The following ROBO1 variants were observed in gnomAD, a reference collection of about 807,000 sequenced individuals.
ROBO1 encodes roundabout homolog 1.
In ROBO1, 149 loss-of-function variants were observed where a neutral mutation model predicts 195.9. The ratio of observed to expected loss-of-function variants is 0.76; its 90% CI spans 0.67 to 0.87. The LOEUF (loss-of-function observed/expected upper bound fraction) is 0.87, where lower values mean the gene tolerates loss of function less well. ROBO1 is among the 40% of genes least tolerant of loss of function. The pLI, the probability that ROBO1 is intolerant of heterozygous loss-of-function variation, is 0.00. For synonymous variants in ROBO1, 816 were observed against 733.2 expected (o/e 1.11, Z -1.82); for missense variants, 1,933 against 2,068.3 (o/e 0.93, Z 1.27).
intron 3 of ROBO1, among the ~76,000 whole-genome samples, chr3:79,100,531 CA>C (rs1392961693): frequency 1.3e-5 from 2 of 151,654 alleles, no homozygotes; most frequent in Non-Finnish European, 2.9e-5. Context: ...AAAAAAACTG[CA>C]AAGAATGAAT....
At chr3:79,277,781 C>T (rs1487550301) in intron 2 of ROBO1, among the ~76,000 whole-genome samples, 1 of 136,610 alleles carries the variant, frequency 7.3e-6, no homozygotes, top group Non-Finnish European at 1.5e-5. Flanking sequence ...TAAAAAATAA[C>T]ATTAAAAATA....
intron 6 of ROBO1, 111 bp downstream of exon 6, chr3:78,717,652 C>T: frequency 8.2e-7 from 1 of 1,220,046 alleles, no homozygotes; most frequent in Non-Finnish European, 1.1e-6. Flanking sequence ...CTCTTTCTAC[C>T]CACCCCCTAA....
chr3:79,747,763 T>C (rs953456538), intron 1 of ROBO1, among the ~76,000 whole-genome samples: 2 of 151,946 alleles, frequency 1.3e-5, no homozygotes, highest in East Asian at 1.9e-4. Flanking sequence ...TGGACAAATA[T>C]GTAGTGTGTT....
chr3:79,075,545 T>C (rs927108738), intron 3 of ROBO1, among the ~76,000 whole-genome samples: 1 of 151,924 alleles, frequency 6.6e-6, no homozygotes, highest in Non-Finnish European at 1.5e-5. Context: ...GTAGATAAAC[T>C]TGCATCCTGT....
At chr3:78,931,121 G>C (rs756070090) in intron 4 of ROBO1, among the ~76,000 whole-genome samples, 22 of 150,924 alleles carry the variant, frequency 1.5e-4, no homozygotes, top group Non-Finnish European at 2.5e-4. Flanking sequence ...CAAAATGCCT[G>C]TAAGAAGTTA....
In ROBO1 at chr3:79,157,253, G is replaced by A. The variant is rs947123605; in HGVS notation, c.89-31714C>T. ...TGGTGAGCACATATAATTTTTTAGT[G>A]TCTACCATCATTGACAGGTTGGCCT... On this transcript the variant is annotated intron_variant, in intron 2 of 30. Coordinates refer to ENST00000464233, the MANE Select transcript of ROBO1 (RefSeq NM_002941.4). Among the ~76,000 whole-genome samples the A allele has an allele frequency of 4.0e-4, 60 of 151,746 alleles. 1 individual carries two copies. The highest frequency in any genetic ancestry group is 6.8e-4 in the African/African-American group (28 of 41,338).
chr3:78,705,155 T>A (rs1406064448), intron 8 of ROBO1, among the ~76,000 whole-genome samples: 1 of 152,190 alleles, frequency 6.6e-6, no homozygotes, highest in Non-Finnish European at 1.5e-5. Flanking sequence ...CAGGGAGGGA[T>A]AGTAATTATG....
chr3:79,331,096 TG>T (rs779752845), intron 2 of ROBO1, among the ~76,000 whole-genome samples: 4 of 152,204 alleles, frequency 2.6e-5, no homozygotes, highest in Non-Finnish European at 5.9e-5. Context: ...ATAATACAGT[TG>T]GCATCATTCA....
At chr3:78,607,726 A>T (rs1323916743) in intron 28 of ROBO1, among the ~76,000 whole-genome samples, 1 of 152,106 alleles carries the variant, frequency 6.6e-6, no homozygotes. Context: ...ATCACTGCAA[A>T]TTGATTGAGG....
chr3:78,797,661 G>T (rs182095631), intron 4 of ROBO1, among the ~76,000 whole-genome samples: 93 of 152,260 alleles, frequency 6.1e-4, no homozygotes, highest in African/African-American at 2.1e-3. Flanking sequence ...TCGGGGATGG[G>T]TGTGGTACTG....
chr3:79,485,012 A>G (rs1939082910), intron 2 of ROBO1, among the ~76,000 whole-genome samples: 1 of 151,838 alleles, frequency 6.6e-6, no homozygotes, highest in Non-Finnish European at 1.5e-5. Flanking sequence ...TTGGCCTCCC[A>G]AAGTGCTGGG....
At chr3:79,145,810 A>G (rs1042332948) in intron 2 of ROBO1, among the ~76,000 whole-genome samples, 2 of 152,128 alleles carry the variant, frequency 1.3e-5, no homozygotes, top group Middle Eastern at 3.4e-3. Flanking sequence ...AAAGTAAAAA[A>G]CAGCACAGTA....
chr3:78,961,325 A>G (rs2041336115), intron 3 of ROBO1, among the ~76,000 whole-genome samples: 1 of 152,204 alleles, frequency 6.6e-6, no homozygotes, highest in Non-Finnish European at 1.5e-5. Flanking sequence ...GGTCAAGATG[A>G]CACTACTACC....
chr3:79,055,537 C>T (rs1233803407), intron 3 of ROBO1, among the ~76,000 whole-genome samples: 1 of 151,926 alleles, frequency 6.6e-6, no homozygotes, highest in Admixed American at 6.6e-5. Flanking sequence ...TTGCACTGGC[C>T]CTGATGGTCA....
At chr3:78,644,798 GA>G (rs3836361) in intron 21 of ROBO1, among the ~76,000 whole-genome samples, 10,659 of 152,190 alleles carry the variant, frequency 0.07, 1,082 homozygotes, top group African/African-American at 0.23. Context: ...ATGTGTGTGT[GA>G]TACTTGTGTA....
chr3:78,885,909 TTATATATATATA>T (rs10651992), intron 4 of ROBO1, among the ~76,000 whole-genome samples: 101 of 117,748 alleles, frequency 8.6e-4, no homozygotes, highest in African/African-American at 2.3e-3. Context: ...TAGCAAAATT[TTATATATATATA>T]TATATATATA....
At chr3:78,609,484 C>CCA (rs1239266288) in intron 28 of ROBO1, among the ~76,000 whole-genome samples, 1 of 151,974 alleles carries the variant, frequency 6.6e-6, no homozygotes, top group Non-Finnish European at 1.5e-5. Context: ...ATAAAAAGGA[C>CCA]CACACACACA....
At chr3:79,105,093 C>A (rs1442873712) in intron 3 of ROBO1, among the ~76,000 whole-genome samples, 1 of 151,700 alleles carries the variant, frequency 6.6e-6, no homozygotes, top group East Asian at 1.9e-4. Context: ...AGGAGACCAT[C>A]TTTGTGAGTA....
chr3:79,526,094 G>A (rs1941421854), intron 2 of ROBO1, among the ~76,000 whole-genome samples: 1 of 152,104 alleles, frequency 6.6e-6, no homozygotes, highest in East Asian at 1.9e-4. Context: ...TCAAATGCCA[G>A]AAACTTAAAC....
Sources: allele counts gnomAD v4.1 joint callset (sites outside exome capture counted in the v4.1 genomes callset), GRCh38; gene constraint gnomAD v4.1.1; transcripts MANE v1.5; gene names NCBI Gene and HGNC (gene_info 2026-07-23, HGNC 2026-07-21).